Variants in RRP36 observed in about 807,000 individuals in gnomAD.
The protein encoded by RRP36 is ribosomal RNA processing 36, also known as ribosomal RNA processing protein 36 homolog.
RRP36 carries 44 observed loss-of-function variants against 39.8 expected under a neutral mutation model. The observed-to-expected ratio is 1.10, with a 90% CI of 0.87 to 1.42. The LOEUF is 1.42. Ranked by LOEUF, RRP36 falls within the 40% of genes most tolerant of loss-of-function variation. RRP36 has a pLI of 0.00. For synonymous variants in RRP36, 124 were observed against 123.1 expected, an observed-to-expected ratio of 1.01 and a Z score of -0.05; for missense variants, 316 against 322.4, an observed-to-expected ratio of 0.98 and a Z score of 0.15.
intron 1 of RRP36, 77 bp from the exon 2 acceptor site, chr6:43,024,908 G>T (rs1762783167): frequency 6.4e-7 from 1 of 1,551,778 alleles, no homozygotes; most frequent in Non-Finnish European, 8.8e-7. Flanking sequence ...AGCTAGCTAA[G>T]GAATGGGGAT....
At chr6:43,027,712 A>AACCC (rs1561863932) in intron 6 of RRP36, among the ~76,000 whole-genome samples, 1 of 44,982 alleles carries the variant, frequency 2.2e-5, no homozygotes, top group African/African-American at 9.4e-5. Flanking sequence ...CCACTTCCCA[A>AACCC]CCCCCCCCCC....
intron 4 of RRP36, 148 bp from the exon 5 acceptor site, chr6:43,027,030 C>T (rs537438029): frequency 2.2e-5 from 14 of 640,810 alleles, no homozygotes; most frequent in Middle Eastern, 4.0e-4. Flanking sequence ...CACACCACTG[C>T]ACTCAAGCCT....
Position 43,021,802 on chromosome 6 carries a change from G to T in RRP36, c.130+18G>T, listed in dbSNP as rs1193435487. ...ATTGAGGGGTGAGGGCATGGGGCAGGGCGGGCTGGGGAGGGGAAGGAGATT... is the reference window on the plus strand; with the variant it reads ...ATTGAGGGGTGAGGGCATGGGGCAGTGCGGGCTGGGGAGGGGAAGGAGATT... On this transcript the variant is annotated intron_variant, in intron 1 of 6. Coordinates refer to ENST00000244496, the MANE Select transcript of RRP36 (RefSeq NM_033112.4). The T allele has an allele frequency of 8.3e-7, 1 of 1,209,418 alleles. No homozygotes were observed. The highest frequency in any genetic ancestry group is 1.0e-6 in the Non-Finnish European group (1 of 971,190). 74.9% of individuals were successfully genotyped at this position (1,209,418 alleles called of 1,614,324 possible). A position where few individuals can be genotyped will look rare whatever the true frequency, so the allele number is the denominator to read the frequency against.
chr6:43,027,494 T>A lies in RRP36; in HGVS notation c.643+17T>A. 6.2e-7 allele frequency: 1 copy of A among 1,603,548 alleles called. No homozygotes were observed. The highest frequency in any genetic ancestry group is 1.1e-5 in the South Asian group (1 of 90,632). On this transcript the variant is annotated intron_variant, in intron 6 of 6. Coordinates refer to ENST00000244496, the MANE Select transcript of RRP36 (RefSeq NM_033112.4). ...TGAAAAAATGTGAGTTGGGCACAACTGTTGCTAACAGGGACAGGGGTGCAG... is the reference window on the plus strand; with the variant it reads ...TGAAAAAATGTGAGTTGGGCACAACAGTTGCTAACAGGGACAGGGGTGCAG...
rs1762875440 is a variant in RRP36 at position 43,029,523 on chromosome 6, A to C, written c.*295A>C. 6.8e-6 allele frequency: 2 copies of C among 296,260 alleles called. No individual in the cohort carries two copies. The highest frequency in any genetic ancestry group is 9.7e-4 in the Middle Eastern group (1 of 1,034). The allele number at this position is 296,260 out of a possible 1,614,324, so 18.4% of individuals were successfully genotyped here. Reference sequence around the variant, plus strand: ...TACCGAAGAAGAGGGGCCAATGAAAACCATGGAGTCTGTTCGTGACTCCCA... The same window carrying C: ...TACCGAAGAAGAGGGGCCAATGAAACCCATGGAGTCTGTTCGTGACTCCCA... On this transcript the variant is annotated 3_prime_UTR_variant, in exon 7 of 7. Coordinates refer to ENST00000244496, the MANE Select transcript of RRP36 (RefSeq NM_033112.4).
chr6:43,025,222 A>G (rs778722617), intron 2 of RRP36, 41 bp from the exon 3 acceptor site: 1 of 1,613,578 alleles, frequency 6.2e-7, no homozygotes, highest in Non-Finnish European at 8.5e-7. Context: ...CCTTTGACCA[A>G]CACTGGAGTC....
At position 43,027,357 on chromosome 6, in the gene RRP36, C is replaced by T. The variant is rs763626994; in HGVS notation, c.526-3C>T. The T allele has an allele frequency of 7.4e-6, 12 of 1,613,770 alleles. No homozygotes were observed. Among genetic ancestry groups the T allele is most frequent in the South Asian group, 3.3e-5 (3 of 91,088 alleles). Reference sequence around the variant, plus strand: ...GTTCACCCATCTCATCTTTGCTCCTCAGGAGCAGCAAGAAATGGCACAGCA... The same window carrying T: ...GTTCACCCATCTCATCTTTGCTCCTTAGGAGCAGCAAGAAATGGCACAGCA... On this transcript the variant is annotated splice_polypyrimidine_tract_variant and splice_region_variant and intron_variant, in intron 5 of 6. Transcript: ENST00000244496.
chr6:43,025,978 T>G, intron 3 of RRP36, 59 bp from the exon 4 acceptor site: 2 of 1,314,958 alleles, frequency 1.5e-6, no homozygotes, highest in South Asian at 2.5e-5. Context: ...GGAAGCACTT[T>G]TTCTCAGTGA....
chr6:43,027,423 C>G lies in RRP36; in HGVS notation c.589C>G (p.Gln197Glu). The change falls in exon 6 of 7, where the codon CAA (glutamine) becomes GAA (glutamate). Residue 197 changes from glutamine to glutamate, a missense_variant. By Grantham distance (29) the Gln-to-Glu change is conservative. Coordinates refer to ENST00000244496, the MANE Select transcript of RRP36 (RefSeq NM_033112.4). ...GCAGGAGCTGCACCTGGCCCTGAAG[C>G]AAGAACGTCGGGCTCAGGCCCAGCA... ...QQQELHLALKQERRAQAQQGH... is the reference protein window; with the variant it reads ...QQQELHLALKEERRAQAQQGH... 1 of 1,614,220 alleles carries G rather than the reference C, an allele frequency of 6.2e-7. No homozygotes were observed. Among genetic ancestry groups the G allele is most frequent in the African/African-American group, 1.3e-5 (1 of 75,058 alleles).
chr6:43,027,263 A>C lies in RRP36; in HGVS notation c.525+11A>C. The stretch of plus-strand genomic sequence containing the variant: ...CTGCTTCAGCGAATGGTGAGTGGGT[A>C]ATAATTGTGGTGGGTAATGAAAGCA... On this transcript the variant is annotated intron_variant, in intron 5 of 6. Transcript: ENST00000244496. 6.2e-7 allele frequency: 1 copy of C among 1,613,762 alleles called. No individual in the cohort carries two copies. The highest frequency in any genetic ancestry group is 1.3e-5 in the African/African-American group (1 of 75,056).
chr6:43,022,007 T>G (rs1762725068), intron 1 of RRP36, among the ~76,000 whole-genome samples: 1 of 152,104 alleles, frequency 6.6e-6, no homozygotes, highest in Non-Finnish European at 1.5e-5. Flanking sequence ...TTTTCGGCGA[T>G]GGGGAACGTA....
In RRP36 at chr6:43,027,478, G is replaced by T; in HGVS notation, c.643+1G>T. ...CATCGGCCATACTTCCTGAAAAAAT[G>T]TGAGTTGGGCACAACTGTTGCTAAC... is the stretch of plus-strand genomic sequence containing the variant. On this transcript the variant is annotated splice_donor_variant, in intron 6 of 6. Transcript: ENST00000244496. LOFTEE classifies it high-confidence loss of function. 6.2e-7 allele frequency: 1 copy of T among 1,612,578 alleles called. No homozygotes were observed. The highest frequency in any genetic ancestry group is 1.3e-5 in the African/African-American group (1 of 75,024).
rs752577085 is a variant in RRP36 at position 43,021,645 on chromosome 6, C to G, written c.-10C>G. The G allele has an allele frequency of 7.8e-7, 1 of 1,285,214 alleles. No homozygotes were observed. The highest frequency in any genetic ancestry group is 9.9e-7 in the Non-Finnish European group (1 of 1,014,990). The allele number at this position is 1,285,214 out of a possible 1,614,324, so 79.6% of individuals were successfully genotyped here. Reference sequence around the variant, plus strand: ...GGCGCCATTCGTCTTCCGAGCGCTACTGCCAGCTGATGCCGGGAGCTAACT... The same window carrying G: ...GGCGCCATTCGTCTTCCGAGCGCTAGTGCCAGCTGATGCCGGGAGCTAACT... On this transcript the variant is annotated 5_prime_UTR_variant, in exon 1 of 7. Coordinates refer to ENST00000244496, the MANE Select transcript of RRP36 (RefSeq NM_033112.4).
chr6:43,021,624 C>A lies in RRP36; in HGVS notation c.-31C>A. On this transcript the variant is annotated 5_prime_UTR_variant, in exon 1 of 7. Coordinates refer to ENST00000244496, the MANE Select transcript of RRP36 (RefSeq NM_033112.4). ...GGGGCTGCCGTGAGCGGAAGCGGCG[C>A]CATTCGTCTTCCGAGCGCTACTGCC... The A allele has an allele frequency of 7.8e-7, 1 of 1,283,492 alleles. No individual in the cohort carries two copies. Among genetic ancestry groups the A allele is most frequent in the East Asian group, 2.9e-5 (1 of 34,696 alleles). The allele number at this position is 1,283,492 out of a possible 1,614,324, so 79.5% of individuals were successfully genotyped here. A position where few individuals can be genotyped will look rare whatever the true frequency, so the allele number is the denominator to read the frequency against.
intron 3 of RRP36, 133 bp downstream of exon 3, chr6:43,025,462 A>G: frequency 1.4e-6 from 1 of 703,702 alleles, no homozygotes; most frequent in Non-Finnish European, 2.4e-6. Flanking sequence ...GTCTCTACTA[A>G]AAATACAAAA....
chr6:43,028,708 T>C (rs1171665901), intron 6 of RRP36, among the ~76,000 whole-genome samples: 3 of 151,680 alleles, frequency 2.0e-5, no homozygotes. Flanking sequence ...CCCAGCACTT[T>C]GGGAGGCTGA....
At chr6:43,026,193 G>A in intron 4 of RRP36, 52 bp downstream of exon 4, 2 of 1,349,438 alleles carry the variant, frequency 1.5e-6, no homozygotes, top group South Asian at 1.2e-5. Flanking sequence ...GGAAAATGAG[G>A]GCACAGGTTA....
At chr6:43,025,939 C>CA (rs767346921) in intron 3 of RRP36, 98 bp from the exon 4 acceptor site, 715 of 869,368 alleles carry the variant, frequency 8.2e-4, no homozygotes, top group Non-Finnish European at 9.6e-4. Context: ...TCTCAAAAAG[C>CA]AAAAAAAAAG....
intron 1 of RRP36, among the ~76,000 whole-genome samples, chr6:43,024,277 C>T (rs746604431): frequency 4.6e-5 from 7 of 151,990 alleles, no homozygotes; most frequent in African/African-American, 7.3e-5. Flanking sequence ...GTGTACCAAG[C>T]AGAGGCAACA....
Sources: allele counts gnomAD v4.1 joint callset (sites outside exome capture counted in the v4.1 genomes callset), GRCh38; gene constraint gnomAD v4.1.1; transcripts MANE v1.5; gene names NCBI Gene and HGNC (gene_info 2026-07-23, HGNC 2026-07-21).